The following PFKFB3 variants were observed in gnomAD, a reference collection of about 807,000 sequenced individuals.
PFKFB3 encodes the protein 6-phosphofructo-2-kinase/fructose-2,6-biphosphatase 3, also known as 6-phosphofructo-2-kinase/fructose-2,6-bisphosphatase 3.
Under a neutral mutation model 68.0 loss-of-function variants are expected in PFKFB3, and 33 were observed. That is an observed-to-expected ratio of 0.49 (90% CI 0.37 to 0.65). PFKFB3 has a LOEUF of 0.65. Among genes scored for constraint, PFKFB3 ranks in the 30% least tolerant of loss-of-function variants. The probability of loss-of-function intolerance (pLI) is 0.00; values close to 1 mark genes in which losing one functional copy is unlikely to be tolerated. For synonymous variants in PFKFB3, 315 were observed against 288.2 expected (o/e 1.09, Z -0.94); for missense variants, 586 against 712.2 (o/e 0.82, Z 2.02).
At chr10:6,272,320 T>A in the PFKFB3 span, among the ~76,000 whole-genome samples, 3 of 152,210 alleles carry the variant, frequency 2.0e-5, no homozygotes, top group East Asian at 5.8e-4. Flanking sequence ...TCGTTCCAAT[T>A]GCCCTATTAG....
At chr10:6,201,769 G>A (rs1287713396), upstream of PFKFB3, among the ~76,000 whole-genome samples, 1 of 151,904 alleles carries the variant, frequency 6.6e-6, no homozygotes, top group Non-Finnish European at 1.5e-5. The surrounding 1 kb of genome is among the most constrained non-coding windows in gnomAD (Gnocchi z 4.1). Flanking sequence ...GCAAGGCGGC[G>A]CAGCGCTCCC....
At chr10:6,177,640 C>G (rs539084309) in intron 1 of PFKFB3, among the ~76,000 whole-genome samples, 66 of 151,634 alleles carry the variant, frequency 4.4e-4, no homozygotes, top group African/African-American at 1.4e-3. Context: ...ATTCTCCTGC[C>G]TCAGCCTAAC....
intron 1 of PFKFB3, among the ~76,000 whole-genome samples, chr10:6,184,679 C>T (rs1288908693): frequency 6.6e-6 from 1 of 151,674 alleles, no homozygotes; most frequent in Non-Finnish European, 1.5e-5. Flanking sequence ...ACCACGTTGG[C>T]CAGGCTGGTT....
the PFKFB3 span, among the ~76,000 whole-genome samples, chr10:6,323,030 G>A: frequency 2.0e-5 from 3 of 152,236 alleles, no homozygotes; most frequent in African/African-American, 7.2e-5. Context: ...TGCCTGTTGA[G>A]TGAAACAGAT....
At chr10:6,297,214 G>A in the PFKFB3 span, among the ~76,000 whole-genome samples, 1 of 152,206 alleles carries the variant, frequency 6.6e-6, no homozygotes, top group Non-Finnish European at 1.5e-5. Flanking sequence ...GAGCAGCCCA[G>A]GGTCCCCCGG....
chr10:6,158,057 G>A (rs1484664882), intron 1 of PFKFB3, among the ~76,000 whole-genome samples: 7 of 151,616 alleles, frequency 4.6e-5, no homozygotes, highest in African/African-American at 1.5e-4. Context: ...AAGTCGAGAC[G>A]GGTGGATCAC....
At chr10:6,277,921 G>GTTT in the PFKFB3 span, 12 of 155,704 alleles carry the variant, frequency 7.7e-5, no homozygotes, top group South Asian at 3.9e-4. Context: ...TGTATTAATA[G>GTTT]TTTTTTTTTT....
At chr10:6,157,565 C>A (rs1017593957) in intron 1 of PFKFB3, among the ~76,000 whole-genome samples, 1 of 152,104 alleles carries the variant, frequency 6.6e-6, no homozygotes, top group Non-Finnish European at 1.5e-5. Flanking sequence ...AGAAGTTGAA[C>A]GTCATCTGTT....
the PFKFB3 span, among the ~76,000 whole-genome samples, chr10:6,296,972 T>G: frequency 2.4e-4 from 36 of 152,330 alleles, no homozygotes; most frequent in Non-Finnish European, 4.9e-4. Context: ...GGTTTGAACA[T>G]CTCTGACAGG....
chr10:6,225,213 C>T (rs960179548), intron 13 of PFKFB3: 22 of 456,100 alleles, frequency 4.8e-5, no homozygotes, highest in African/African-American at 1.4e-4. Flanking sequence ...TCTCTTAGAC[C>T]GAGCGTGACT....
At chr10:6,258,005 G>A (rs1297948181), downstream of PFKFB3, among the ~76,000 whole-genome samples, 1 of 152,110 alleles carries the variant, frequency 6.6e-6, no homozygotes. Flanking sequence ...GCTCACCTAA[G>A]CCCAGGCATG....
At chr10:6,168,681 G>A (rs1842209885) in intron 1 of PFKFB3, among the ~76,000 whole-genome samples, 1 of 152,192 alleles carries the variant, frequency 6.6e-6, no homozygotes, top group Non-Finnish European at 1.5e-5. Flanking sequence ...CATTATGCAT[G>A]AGTTTAACGG....
the PFKFB3 span, among the ~76,000 whole-genome samples, chr10:6,292,811 T>C: frequency 0.031 from 4,718 of 152,228 alleles, 224 homozygotes; most frequent in African/African-American, 0.11. Flanking sequence ...CTAATCACAA[T>C]GGCTTATGAA....
chr10:6,261,467 A>G, the PFKFB3 span, among the ~76,000 whole-genome samples: 1 of 152,214 alleles, frequency 6.6e-6, no homozygotes, highest in African/African-American at 2.4e-5. Context: ...TACAAGTGGG[A>G]GCTAAAATGA....
chr10:6,216,829 A>C (rs750429641), intron 5 of PFKFB3, 49 bp downstream of exon 5: 4 of 1,371,000 alleles, frequency 2.9e-6, no homozygotes, highest in Non-Finnish European at 4.2e-6. Context: ...AGAGAGGAAA[A>C]GGCTTCAGGA....
At chr10:6,155,025 A>C (rs1564585538) in intron 1 of PFKFB3, among the ~76,000 whole-genome samples, 1 of 152,122 alleles carries the variant, frequency 6.6e-6, no homozygotes, top group Non-Finnish European at 1.5e-5. Flanking sequence ...CTTCCAGAAA[A>C]GTCCACTGTG....
rs527975641 is a variant in PFKFB3 at position 6,223,214 on chromosome 10, T to C, written c.1213+230T>C. 9.8e-5 allele frequency among the ~76,000 whole-genome samples: 15 copies of C among 152,290 alleles called. No homozygotes were observed. In the East Asian group the frequency reaches 2.5e-3, roughly 25 times the overall value. On this transcript the variant is annotated intron_variant, in intron 11 of 14. Transcript: ENST00000379775. The stretch of plus-strand genomic sequence containing the variant: ...GCCCAGGTTGATGCCGGGGACTTCA[T>C]TGCTTCATAAACAGCTCCCTGAGAC...
chr10:6,292,047 G>A, the PFKFB3 span, among the ~76,000 whole-genome samples: 28 of 134,612 alleles, frequency 2.1e-4, no homozygotes, highest in Non-Finnish European at 3.4e-4. Context: ...TCCACCTCCC[G>A]AGTTCAAGCA....
chr10:6,188,413 C>T (rs60925594), intron 1 of PFKFB3, among the ~76,000 whole-genome samples: 9,162 of 151,262 alleles, frequency 0.061, 347 homozygotes, highest in Admixed American at 0.11. Flanking sequence ...TTTGCTGCCT[C>T]TCATGGCCTT....
Sources: gnomAD v4.1 joint callset for allele counts (sites outside exome capture counted in the v4.1 genomes callset) on GRCh38, gnomAD v4.1.1 for gene constraint, Gnocchi (gnomAD v3.1) non-coding constraint, MANE v1.5 for transcripts, NCBI Gene and HGNC (gene_info 2026-07-23, HGNC 2026-07-21) for gene names.